Variants in MCM10 observed in about 807,000 individuals in gnomAD.
MCM10 encodes the protein minichromosome maintenance 10 replication initiation factor, also known as protein MCM10 homolog.
A neutral mutation model predicts 109.9 loss-of-function variants in MCM10; 91 were observed. The ratio of observed to expected loss-of-function variants is 0.83; its 90% CI spans 0.70 to 0.99. The LOEUF (loss-of-function observed/expected upper bound fraction) is 0.99, where lower values mean the gene tolerates loss of function less well. Among genes scored for constraint, MCM10 ranks in the 50% least tolerant of loss-of-function variants. The probability of loss-of-function intolerance (pLI) is 0.00; values close to 1 mark genes in which losing one functional copy is unlikely to be tolerated. For synonymous variants in MCM10, 380 were observed against 387.2 expected, an observed-to-expected ratio of 0.98 and a Z score of 0.22; for missense variants, 1,077 against 1,061.2, an observed-to-expected ratio of 1.01 and a Z score of -0.21.
At chr10:13,192,666 G>C in intron 13 of MCM10, 98 bp downstream of exon 13, 1 of 1,076,626 alleles carries the variant, frequency 9.3e-7, no homozygotes, top group South Asian at 1.4e-5. Context: ...TCAGGTTTCG[G>C]TTGGCTGCGT....
In MCM10 at chr10:13,209,393, G is replaced by T; in HGVS notation, c.*83G>T. 9.4e-7 allele frequency: 1 copy of T among 1,060,700 alleles called. No individual in the cohort carries two copies. Among genetic ancestry groups the T allele is most frequent in the South Asian group, 1.4e-5 (1 of 72,994 alleles). The allele number at this position is 1,060,700 out of a possible 1,614,324, so 65.7% of individuals were successfully genotyped here. A position where few individuals can be genotyped will look rare whatever the true frequency, so the allele number is the denominator to read the frequency against. On this transcript the variant is annotated 3_prime_UTR_variant, in exon 20 of 20. Coordinates refer to ENST00000378714, the MANE Select transcript of MCM10 (RefSeq NM_018518.5). ...AAGGATTGGCTGTGTATTGTCCATT[G>T]ATTCCTGATTGACGCCGTCAAAAAC...
At chr10:13,195,547 CTG>C in intron 14 of MCM10, 1 of 210,870 alleles carries the variant, frequency 4.7e-6, no homozygotes, top group Non-Finnish European at 9.4e-6. Context: ...TGAGGTGAGA[CTG>C]TAAAATGGTG....
intron 18 of MCM10, among the ~76,000 whole-genome samples, chr10:13,205,848 A>G (rs1236745001): frequency 6.6e-6 from 1 of 151,926 alleles, no homozygotes. Flanking sequence ...TTCTCTTTTT[A>G]CTTTTGGGGG....
At chr10:13,200,110 C>T (rs543587522) in intron 16 of MCM10, among the ~76,000 whole-genome samples, 8 of 152,160 alleles carry the variant, frequency 5.3e-5, no homozygotes, top group South Asian at 2.1e-4. Flanking sequence ...GGACTACAGG[C>T]GCATCACCAT....
At chr10:13,186,540 T>G (rs544594372) in intron 9 of MCM10, among the ~76,000 whole-genome samples, 19 of 152,320 alleles carry the variant, frequency 1.2e-4, no homozygotes, top group Non-Finnish European at 1.2e-4. Context: ...TTGTTTGCCT[T>G]TAATTCTTGT....
At chr10:13,188,135 ACT>A in intron 9 of MCM10, among the ~76,000 whole-genome samples, 1 of 151,778 alleles carries the variant, frequency 6.6e-6, no homozygotes, top group Middle Eastern at 3.4e-3. Flanking sequence ...ACAGAGCGAG[ACT>A]CTGTCTCCAA....
intron 14 of MCM10, 173 bp downstream of exon 14, chr10:13,195,442 C>T: frequency 5.3e-6 from 3 of 562,938 alleles, no homozygotes; most frequent in Non-Finnish European, 6.2e-6. Flanking sequence ...GTTATCTCAA[C>T]ACTTTTTCTT....
chr10:13,178,955 T>C (rs1430960173), intron 6 of MCM10, among the ~76,000 whole-genome samples: 1 of 152,234 alleles, frequency 6.6e-6, no homozygotes, highest in Admixed American at 6.5e-5. Flanking sequence ...GGTGTTTTAT[T>C]TGGAGCAGTT....
At chr10:13,166,657 C>CATATATATATAT (rs1491379684) in intron 2 of MCM10, among the ~76,000 whole-genome samples, 33 of 19,930 alleles carry the variant, frequency 1.7e-3, no homozygotes, top group Middle Eastern at 0.024. Flanking sequence ...AAAATACATA[C>CATATATATATAT]ATACATATAT....
rs754543607 is a variant in MCM10 at position 13,180,540 on chromosome 10, T to C, written c.863T>C (p.Leu288Pro). The C allele has an allele frequency of 6.2e-7, 1 of 1,614,102 alleles. No homozygotes were observed. Among genetic ancestry groups the C allele is most frequent in the East Asian group, 2.2e-5 (1 of 44,876 alleles). Residue 288 changes from leucine (L) to proline (P), a missense_variant, in exon 7 of 20, where the codon CTG becomes CCG. Transcript: ENST00000378714. ...QIKEKMAREK[L>P]EEIDWVTFGV... ...AAGGAAAAGATGGCCAGAGAGAAGCTGGAAGAAATAGATTGGGTGACATTT... is the reference window on the plus strand; with the variant it reads ...AAGGAAAAGATGGCCAGAGAGAAGCCGGAAGAAATAGATTGGGTGACATTT...
At position 13,172,356 on chromosome 10, in the gene MCM10, A is replaced by C; in HGVS notation, c.350-20A>C. On this transcript the variant is annotated intron_variant, in intron 3 of 19. Transcript: ENST00000378714. The surrounding 1 kb of genome is among the most constrained non-coding windows in gnomAD (Gnocchi z 5.2). ...TTTTCTCCTGCCTGGTTCTTAAATT[A>C]ACATATTTTCATTTCCTAGAGGAAT... 1.3e-6 allele frequency: 2 copies of C among 1,577,510 alleles called. No individual in the cohort carries two copies. Among genetic ancestry groups the C allele is most frequent in the African/African-American group, 2.7e-5 (2 of 74,062 alleles).
chr10:13,166,783 G>A (rs1347512281), intron 2 of MCM10, among the ~76,000 whole-genome samples: 1 of 151,520 alleles, frequency 6.6e-6, no homozygotes, highest in African/African-American at 2.4e-5. Flanking sequence ...AATGAATTGA[G>A]GAAGTGTGGG....
rs536725891 is a variant in MCM10 at position 13,175,628 on chromosome 10, T to G, written c.711T>G (p.Ser237=). Residue 237 remains serine, a synonymous_variant, in exon 6 of 20, where the codon TCT becomes TCG. Coordinates refer to ENST00000378714, the MANE Select transcript of MCM10 (RefSeq NM_018518.5). ...AAATTGTGGGGACCCCAGGAAGTTC[T>G]GGGGAAACGACTCAACCCATCTGTG... ...RGQIVGTPGS[S]GETTQPICVE... 82 of 1,612,936 alleles carry G rather than the reference T, an allele frequency of 5.1e-5. No homozygotes were observed. In the African/African-American group the frequency reaches 1.0e-3, roughly 20 times the overall value.
intron 18 of MCM10, among the ~76,000 whole-genome samples, chr10:13,204,988 A>ATGTG (rs1834551744): frequency 1.5e-4 from 1 of 6,462 alleles, no homozygotes; most frequent in African/African-American, 4.6e-4. Context: ...CTTCTCATGT[A>ATGTG]TGTATGTATG....
rs1407358225 is a variant in MCM10, at chr10:13,210,951, G to A, written c.*1641G>A. On this transcript the variant is annotated 3_prime_UTR_variant, in exon 20 of 20. Coordinates refer to ENST00000378714, the MANE Select transcript of MCM10 (RefSeq NM_018518.5). Reference sequence around the variant, plus strand: ...ATCCCTTTCTTATGGGAAAAACAATGTTCTTGTTTGAACAGAGGGTATCAT... The same window carrying A: ...ATCCCTTTCTTATGGGAAAAACAATATTCTTGTTTGAACAGAGGGTATCAT... The A allele has an allele frequency of 1.3e-5, 2 of 152,120 alleles. No individual in the cohort carries two copies. The highest frequency in any genetic ancestry group is 2.4e-5 in the African/African-American group (1 of 41,428). The allele number at this position is 152,120 out of a possible 1,614,324, so 9.4% of individuals were successfully genotyped here. A position where few individuals can be genotyped will look rare whatever the true frequency, so the allele number is the denominator to read the frequency against.
At chr10:13,204,614 A>G (rs529781469) in intron 18 of MCM10, 1 of 388,356 alleles carries the variant, frequency 2.6e-6, no homozygotes, top group East Asian at 4.3e-5. Flanking sequence ...TGTTGAATAA[A>G]TAAGTGAAGA....
intron 9 of MCM10, 130 bp from the exon 10 acceptor site, chr10:13,188,751 T>G: frequency 1.3e-6 from 1 of 792,756 alleles, no homozygotes. Flanking sequence ...TTGGGAACGG[T>G]CGTGGAGGTC....
In MCM10 at chr10:13,164,754, G is replaced by A. The variant is rs572143801; in HGVS notation, c.7+545G>A. Among the ~76,000 whole-genome samples the A allele has an allele frequency of 1.8e-3, 270 of 152,240 alleles. 1 individual carries two copies. Among genetic ancestry groups the A allele is most frequent in the Non-Finnish European group, 3.0e-3 (201 of 68,022 alleles). On this transcript the variant is annotated intron_variant, in intron 2 of 19. Transcript: ENST00000378714. ...GAAAAGAGATGTTGCACTAATTAGC[G>A]ATCACCTAAAATGATTGTGCTGGGC...
chr10:13,190,347 A>G (rs1025517689), intron 10 of MCM10, among the ~76,000 whole-genome samples: 5 of 152,210 alleles, frequency 3.3e-5, no homozygotes, highest in Non-Finnish European at 5.9e-5. Flanking sequence ...AATCCAACCA[A>G]TGGAGAAAAT....
Sources: gnomAD v4.1 joint callset for allele counts (sites outside exome capture counted in the v4.1 genomes callset) on GRCh38, gnomAD v4.1.1 for gene constraint, Gnocchi (gnomAD v3.1) non-coding constraint, MANE v1.5 for transcripts, NCBI Gene and HGNC (gene_info 2026-07-23, HGNC 2026-07-21) for gene names.